Variants in NKAIN3 observed in about 807,000 individuals in gnomAD.
The protein encoded by NKAIN3 is sodium/potassium transporting ATPase interacting 3.
A neutral mutation model predicts 30.2 loss-of-function variants in NKAIN3; 25 were observed. The ratio of observed to expected loss-of-function variants is 0.83; its 90% CI spans 0.60 to 1.16. The LOEUF (loss-of-function observed/expected upper bound fraction) is 1.16, where lower values mean the gene tolerates loss of function less well. Ranked by LOEUF, NKAIN3 falls within the 50% of genes most tolerant of loss-of-function variation. The pLI is 0.00. For missense variants in NKAIN3, 225 were observed against 254.1 expected (o/e 0.89, Z 0.78); for synonymous variants, 91 against 89.6 (o/e 1.02, Z -0.09).
At chr8:62,785,534 G>C (rs551752744) in intron 4 of NKAIN3, among the ~76,000 whole-genome samples, 2 of 152,062 alleles carry the variant, frequency 1.3e-5, no homozygotes, top group Admixed American at 1.3e-4. Context: ...CAGCTCCGTG[G>C]ATATACTAAA....
intron 4 of NKAIN3, among the ~76,000 whole-genome samples, chr8:62,812,465 A>G (rs1563574590): frequency 6.6e-6 from 1 of 151,826 alleles, no homozygotes; most frequent in Non-Finnish European, 1.5e-5. Context: ...GCATGTATGT[A>G]TGAACATGAT....
At chr8:62,707,782 C>T (rs756016424) in intron 3 of NKAIN3, among the ~76,000 whole-genome samples, 2 of 151,918 alleles carry the variant, frequency 1.3e-5, no homozygotes, top group African/African-American at 2.4e-5. Flanking sequence ...TTGGGTCCTC[C>T]ATCATGAAAT....
chr8:62,636,416 C>T (rs149331292), intron 3 of NKAIN3, among the ~76,000 whole-genome samples: 144 of 152,232 alleles, frequency 9.5e-4, no homozygotes, highest in African/African-American at 3.4e-3. Flanking sequence ...ATCAATAGCT[C>T]TCATCAGAAT....
At chr8:62,954,036 A>C in intron 6 of NKAIN3, 64 bp downstream of exon 6, 1 of 474,094 alleles carries the variant, frequency 2.1e-6, no homozygotes, top group Non-Finnish European at 2.8e-6. Flanking sequence ...ACTAACCAAA[A>C]GTGAAATAAT....
intron 1 of NKAIN3, among the ~76,000 whole-genome samples, chr8:62,298,895 A>G (rs975852346): frequency 1.3e-5 from 2 of 150,352 alleles, no homozygotes; most frequent in Non-Finnish European, 3.0e-5. Context: ...ATTAATAGCC[A>G]TACATTAATG....
At chr8:62,913,151 CATT>C (rs1456781565) in intron 4 of NKAIN3, among the ~76,000 whole-genome samples, 1 of 55,932 alleles carries the variant, frequency 1.8e-5, no homozygotes, top group African/African-American at 1.5e-4. Flanking sequence ...TTGCATTGAA[CATT>C]TTTTTTTTTT....
At chr8:62,370,697 T>C (rs1816881721) in intron 1 of NKAIN3, among the ~76,000 whole-genome samples, 1 of 152,026 alleles carries the variant, frequency 6.6e-6, no homozygotes, top group South Asian at 2.1e-4. Context: ...CACTACCTAT[T>C]GTATTAAAAT....
At chr8:62,813,916 A>G (rs1260299177) in intron 4 of NKAIN3, among the ~76,000 whole-genome samples, 1 of 152,000 alleles carries the variant, frequency 6.6e-6, no homozygotes. Flanking sequence ...GCTGTATATA[A>G]TATTCTTGAC....
At chr8:62,736,885 T>C (rs1815692191) in intron 3 of NKAIN3, among the ~76,000 whole-genome samples, 1 of 152,200 alleles carries the variant, frequency 6.6e-6, no homozygotes, top group Non-Finnish European at 1.5e-5. Flanking sequence ...CTTCTCTCAA[T>C]GCTTCCTCTA....
At chr8:62,703,907 T>C (rs986199264) in intron 3 of NKAIN3, among the ~76,000 whole-genome samples, 3 of 152,228 alleles carry the variant, frequency 2.0e-5, no homozygotes, top group African/African-American at 7.2e-5. Flanking sequence ...TGTTTATGAC[T>C]GTTACCCTAC....
rs1823819601 is a variant in NKAIN3, at chr8:62,970,966, T to A, written c.*5559T>A. 6.6e-6 allele frequency among the ~76,000 whole-genome samples: 1 copy of A among 152,312 alleles called. No individual in the cohort carries two copies. The highest frequency in any genetic ancestry group is 2.1e-4 in the South Asian group (1 of 4,834). ...AGTAACAGAAAAAGAAAAATGACAATGGATTAAATAACATAGAGGTCTATT... is the reference window on the plus strand; with the variant it reads ...AGTAACAGAAAAAGAAAAATGACAAAGGATTAAATAACATAGAGGTCTATT... On this transcript the variant is annotated 3_prime_UTR_variant, in exon 7 of 7. Transcript: ENST00000623646.
intron 1 of NKAIN3, among the ~76,000 whole-genome samples, chr8:62,511,028 A>G (rs1807799893): frequency 1.3e-5 from 2 of 152,070 alleles, no homozygotes; most frequent in Admixed American, 6.5e-5. Context: ...CATAAACTCA[A>G]CAACTTGATA....
chr8:62,376,115 G>T (rs139422807), intron 1 of NKAIN3, among the ~76,000 whole-genome samples: 1 of 152,238 alleles, frequency 6.6e-6, no homozygotes, highest in Non-Finnish European at 1.5e-5. Context: ...GGAGCACTAC[G>T]CTGAGCTATG....
intron 1 of NKAIN3, among the ~76,000 whole-genome samples, chr8:62,454,301 C>CAAAAAAAAGAAAAAAAAAAAAA (rs1805742693): frequency 1.8e-5 from 1 of 56,152 alleles, no homozygotes; most frequent in African/African-American, 5.6e-5. Context: ...AGCTGATGTG[C>CAAAAAAAAGAAAAAAAAAAAAA]AAAAAAAAAA....
intron 1 of NKAIN3, among the ~76,000 whole-genome samples, chr8:62,259,413 A>G (rs1314709729): frequency 1.3e-5 from 2 of 152,170 alleles, no homozygotes; most frequent in Non-Finnish European, 2.9e-5. Flanking sequence ...TCTTAGGTGC[A>G]TCAAAAATTC....
chr8:62,974,043 T>C lies in NKAIN3; in HGVS notation c.*8636T>C, dbSNP rs115648070. On this transcript the variant is annotated 3_prime_UTR_variant, in exon 7 of 7. Coordinates refer to ENST00000623646, the MANE Select transcript of NKAIN3 (RefSeq NM_001304533.3). ...GTCTATATATCTGTTTTAGTAAAAG[T>C]ACCATGTTGTTTTGGTTACTGTAGC... Among the ~76,000 whole-genome samples the C allele has an allele frequency of 3.5e-3, 532 of 152,338 alleles. 3 individuals are homozygous for C. Among genetic ancestry groups the C allele is most frequent in the African/African-American group, 0.012 (515 of 41,580 alleles).
chr8:62,768,301 A>G (rs750929226), intron 4 of NKAIN3, among the ~76,000 whole-genome samples: 4 of 152,138 alleles, frequency 2.6e-5, no homozygotes, highest in Admixed American at 2.0e-4. Context: ...CCTGTCTCTC[A>G]CAGTCTTATG....
chr8:62,799,852 A>C (rs974698408), intron 4 of NKAIN3, among the ~76,000 whole-genome samples: 1 of 152,234 alleles, frequency 6.6e-6, no homozygotes, highest in Non-Finnish European at 1.5e-5. Context: ...TATATATAGT[A>C]TGCAATACTA....
chr8:62,601,890 C>T (rs2130150527), intron 3 of NKAIN3, among the ~76,000 whole-genome samples: 1 of 152,128 alleles, frequency 6.6e-6, no homozygotes, highest in African/African-American at 2.4e-5. Context: ...TCTAAGTGAA[C>T]ATAACTTCTA....
Sources: allele counts gnomAD v4.1 joint callset (sites outside exome capture counted in the v4.1 genomes callset), GRCh38; gene constraint gnomAD v4.1.1; transcripts MANE v1.5; gene names NCBI Gene and HGNC (gene_info 2026-07-23, HGNC 2026-07-21).